Variants in VEPH1 observed in about 807,000 individuals in gnomAD.
VEPH1 encodes ventricular zone-expressed PH domain-containing protein homolog 1.
A neutral mutation model predicts 85.2 loss-of-function variants in VEPH1; 80 were observed. The observed-to-expected ratio is 0.94, with a 90% CI of 0.78 to 1.13. The LOEUF is 1.13. VEPH1 is among the 50% of genes most tolerant of loss of function. The pLI, the probability that VEPH1 is intolerant of heterozygous loss-of-function variation, is 0.00. For missense variants in VEPH1, 955 were observed against 980.5 expected, an observed-to-expected ratio of 0.97 and a Z score of 0.35; for synonymous variants, 297 against 348.0, an observed-to-expected ratio of 0.85 and a Z score of 1.63.
Position 157,265,768 on chromosome 3 carries a change from TG to T in VEPH1, c.2129-107del, listed in dbSNP as rs1372114124. On this transcript the variant is annotated intron_variant, in intron 12 of 13. Transcript: ENST00000362010. ...TGTACCAGAACCCAGTTAGCACACC[TG>T]GAAAGTAGGCTAATAAATGATGAAT... is the stretch of plus-strand genomic sequence containing the variant. The T allele has an allele frequency of 5.9e-5, 68 of 1,149,894 alleles. 1 individual carries two copies. In the South Asian group the frequency reaches 1.4e-3, roughly 23 times the overall value. 71.2% of individuals were successfully genotyped at this position (1,149,894 alleles called of 1,614,324 possible).
intron 12 of VEPH1, among the ~76,000 whole-genome samples, chr3:157,275,778 A>G (rs1280201797): frequency 6.6e-6 from 1 of 152,172 alleles, no homozygotes. Flanking sequence ...AATCCTATAC[A>G]GTCTATGGGG....
intron 7 of VEPH1, among the ~76,000 whole-genome samples, chr3:157,369,136 A>G (rs1356797205): frequency 6.7e-6 from 1 of 149,776 alleles, no homozygotes; most frequent in Non-Finnish European, 1.5e-5. Context: ...CAAAACACAA[A>G]AAACAAAACA....
chr3:157,453,453 G>T (rs959942409), intron 4 of VEPH1, among the ~76,000 whole-genome samples: 1 of 152,018 alleles, frequency 6.6e-6, no homozygotes, highest in Non-Finnish European at 1.5e-5. Flanking sequence ...GGTATAAATG[G>T]CTTAATACAG....
In VEPH1 at chr3:157,317,140, G is replaced by A. The variant is rs138502294; in HGVS notation, c.1797C>T (p.Cys599=). The change falls in exon 10 of 14, where the codon TGC becomes TGT. Residue 599 remains cysteine, a synonymous_variant. Coordinates refer to ENST00000362010, the MANE Select transcript of VEPH1 (RefSeq NM_001167912.2). ...FFTCSLKGHY[C]LYSKSSFILI... The stretch of plus-strand genomic sequence containing the variant: ...GAATAAAACTGGACTTACTGTATAG[G>A]CAGTAATGACCCTTCAGGGAGCAGG... The A allele has an allele frequency of 4.9e-5, 79 of 1,613,386 alleles. No homozygotes were observed. The African/African-American group carries it at 8.4e-4, about 17-fold the overall frequency.
At chr3:157,347,077 T>A (rs1403079171) in intron 9 of VEPH1, among the ~76,000 whole-genome samples, 1 of 152,194 alleles carries the variant, frequency 6.6e-6, no homozygotes, top group Non-Finnish European at 1.5e-5. Context: ...CATTTGATAC[T>A]TGAATTACTA....
intron 9 of VEPH1, among the ~76,000 whole-genome samples, chr3:157,327,046 T>G (rs887746364): frequency 6.6e-6 from 1 of 152,048 alleles, no homozygotes; most frequent in Non-Finnish European, 1.5e-5. Context: ...CAGAGAGAAT[T>G]GTCCAAGCCA....
At chr3:157,424,088 T>C (rs1378818958) in intron 5 of VEPH1, among the ~76,000 whole-genome samples, 1 of 152,230 alleles carries the variant, frequency 6.6e-6, no homozygotes, top group Non-Finnish European at 1.5e-5. Context: ...CCACATGTTG[T>C]GGGAGGGACC....
At chr3:157,267,138 G>A (rs1421187686) in intron 12 of VEPH1, among the ~76,000 whole-genome samples, 1 of 130,864 alleles carries the variant, frequency 7.6e-6, no homozygotes, top group South Asian at 2.4e-4. Flanking sequence ...CTCTGTCACC[G>A]AGGCTGGAGT....
chr3:157,298,616 G>A (rs2108443159), intron 11 of VEPH1, among the ~76,000 whole-genome samples: 1 of 152,270 alleles, frequency 6.6e-6, no homozygotes, highest in African/African-American at 2.4e-5. Flanking sequence ...CATAAAGAAA[G>A]GAGATTGCAT....
rs1009985015 is a variant in VEPH1 at position 157,480,246 on chromosome 3, T to C, written c.139-9717A>G. ...GGTCTGTTGCCAATGAATTCCTTGT[T>C]TTTATTTGTCTGGGAAAGTATTTAT... On this transcript the variant is annotated intron_variant, in intron 2 of 13. Coordinates refer to ENST00000362010, the MANE Select transcript of VEPH1 (RefSeq NM_001167912.2). Among the ~76,000 whole-genome samples, 20 of 152,218 alleles carry C rather than the reference T, an allele frequency of 1.3e-4. No homozygotes were observed. In the Middle Eastern group the frequency reaches 0.014, roughly 104 times the overall value.
At chr3:157,434,792 C>A (rs1223415477) in intron 4 of VEPH1, among the ~76,000 whole-genome samples, 1 of 151,830 alleles carries the variant, frequency 6.6e-6, no homozygotes, top group Non-Finnish European at 1.5e-5. Context: ...TCAAGTCTTT[C>A]TTTAAAAATT....
At chr3:157,442,213 A>T (rs369539682) in intron 4 of VEPH1, among the ~76,000 whole-genome samples, 9 of 152,256 alleles carry the variant, frequency 5.9e-5, no homozygotes, top group African/African-American at 2.2e-4. Context: ...CTCTGCAGAG[A>T]TTACAGTGGA....
chr3:157,303,480 T>C (rs1256212920), intron 11 of VEPH1, among the ~76,000 whole-genome samples: 1 of 152,192 alleles, frequency 6.6e-6, no homozygotes, highest in African/African-American at 2.4e-5. Context: ...CTGTGATTAT[T>C]TTGTCTCCTC....
At chr3:157,363,284 T>G in intron 9 of VEPH1, 80 bp downstream of exon 9, 1 of 1,359,514 alleles carries the variant, frequency 7.4e-7, no homozygotes, top group Non-Finnish European at 9.9e-7. Flanking sequence ...AAGAGTATGC[T>G]AATTTACCTG....
At chr3:157,381,893 A>G (rs577961476) in intron 6 of VEPH1, among the ~76,000 whole-genome samples, 1 of 152,292 alleles carries the variant, frequency 6.6e-6, no homozygotes, top group Non-Finnish European at 1.5e-5. Context: ...TTTCCAGGAC[A>G]GACTAATATG....
At chr3:157,286,218 A>G (rs1716747441) in intron 12 of VEPH1, 1 of 233,392 alleles carries the variant, frequency 4.3e-6, no homozygotes, top group South Asian at 6.4e-5. Flanking sequence ...GTGTGGTCTC[A>G]TTTCCTTAAA....
At chr3:157,478,710 T>C (rs1333893581) in intron 2 of VEPH1, among the ~76,000 whole-genome samples, 2 of 152,208 alleles carry the variant, frequency 1.3e-5, no homozygotes, top group Non-Finnish European at 2.9e-5. Flanking sequence ...AAATATCCTA[T>C]GATTTCTAAC....
At chr3:157,392,857 T>G (rs115833061) in intron 6 of VEPH1, among the ~76,000 whole-genome samples, 2,886 of 152,274 alleles carry the variant, frequency 0.019, 87 homozygotes, top group African/African-American at 0.066. Context: ...CTATCACTAA[T>G]TGTATCTCAC....
intron 9 of VEPH1, among the ~76,000 whole-genome samples, chr3:157,330,076 G>C (rs1202479800): frequency 6.6e-6 from 1 of 152,172 alleles, no homozygotes; most frequent in Non-Finnish European, 1.5e-5. Flanking sequence ...AGACAGGATT[G>C]CAATGGAATC....
Sources: allele counts gnomAD v4.1 joint callset (sites outside exome capture counted in the v4.1 genomes callset), GRCh38; gene constraint gnomAD v4.1.1; transcripts MANE v1.5; gene names NCBI Gene and HGNC (gene_info 2026-07-23, HGNC 2026-07-21).